RGS6: variants seen among roughly 807,000 people sequenced by gnomAD.
RGS6 encodes the protein regulator of G protein signaling 6, also known as regulator of G-protein signaling 6.
RGS6 carries 30 observed loss-of-function variants against 78.5 expected under a neutral mutation model. The observed-to-expected ratio is 0.38, with a 90% CI of 0.29 to 0.52. The LOEUF (loss-of-function observed/expected upper bound fraction) is 0.52, where lower values mean the gene tolerates loss of function less well. RGS6 is among the 20% of genes least tolerant of loss of function. The pLI, the probability that RGS6 is intolerant of heterozygous loss-of-function variation, is 0.85. For synonymous variants in RGS6, 206 were observed against 206.0 expected (o/e 1.00, Z 0.00); for missense variants, 495 against 609.7 (o/e 0.81, Z 1.98).
intron 2 of RGS6, among the ~76,000 whole-genome samples, chr14:72,219,231 C>A (rs148154873): frequency 6.6e-6 from 1 of 152,000 alleles, no homozygotes; most frequent in Non-Finnish European, 1.5e-5. Context: ...CCACACTGCA[C>A]GTGACCATGA....
chr14:72,153,152 T>C (rs776556353), intron 2 of RGS6, among the ~76,000 whole-genome samples: 2 of 152,192 alleles, frequency 1.3e-5, no homozygotes, highest in Non-Finnish European at 2.9e-5. Context: ...CAAATGTCAC[T>C]TGCTCTCTGT....
At chr14:72,489,735 C>A (rs902359678) in intron 12 of RGS6, among the ~76,000 whole-genome samples, 1 of 114,668 alleles carries the variant, frequency 8.7e-6, no homozygotes, top group Non-Finnish European at 1.9e-5. Flanking sequence ...AGAGGCAAGG[C>A]GAGGTGAGAC....
At chr14:72,092,413 G>A (rs999774146) in intron 2 of RGS6, among the ~76,000 whole-genome samples, 7 of 150,646 alleles carry the variant, frequency 4.6e-5, no homozygotes, top group Admixed American at 2.0e-4. Context: ...CTGGTCTCTC[G>A]CTCTGTCATC....
chr14:71,990,195 C>A (rs1051146037), intron 2 of RGS6, among the ~76,000 whole-genome samples: 1 of 152,216 alleles, frequency 6.6e-6, no homozygotes, highest in East Asian at 1.9e-4. Flanking sequence ...GAGGGTTCTA[C>A]GCCTATAACT....
At chr14:72,339,849 G>A (rs571412725) in intron 2 of RGS6, among the ~76,000 whole-genome samples, 1 of 152,312 alleles carries the variant, frequency 6.6e-6, no homozygotes, top group African/African-American at 2.4e-5. Flanking sequence ...GCAACACAAG[G>A]AAGAGGTTTG....
intron 2 of RGS6, among the ~76,000 whole-genome samples, chr14:72,061,608 G>C (rs1555459231): frequency 6.6e-6 from 1 of 151,104 alleles, no homozygotes; most frequent in Non-Finnish European, 1.5e-5. Context: ...GATCACAATT[G>C]ATCAAAACAC....
At position 72,476,731 on chromosome 14, in the gene RGS6, T is replaced by G. The variant is rs1190911603; in HGVS notation, c.694-11T>G. ...GGGTGGATGATCCTCTGTGCTTGCT[T>G]CTTCTCCTAGTCCGTGTATGGCGTG... On this transcript the variant is annotated splice_polypyrimidine_tract_variant and intron_variant, in intron 10 of 17. Transcript: ENST00000553525. The G allele has an allele frequency of 3.7e-6, 6 of 1,613,268 alleles. No individual in the cohort carries two copies. The highest frequency in any genetic ancestry group is 5.1e-6 in the Non-Finnish European group (6 of 1,179,478).
intron 2 of RGS6, among the ~76,000 whole-genome samples, chr14:71,968,171 C>T (rs1384864158): frequency 2.0e-5 from 3 of 152,070 alleles, no homozygotes; most frequent in African/African-American, 7.2e-5. Flanking sequence ...TACTGAATTG[C>T]CCAGTGTAAT....
At chr14:72,216,758 C>G (rs1045271605) in intron 2 of RGS6, among the ~76,000 whole-genome samples, 1 of 152,060 alleles carries the variant, frequency 6.6e-6, no homozygotes, top group African/African-American at 2.4e-5. Context: ...GTGTTTCTCT[C>G]TCTCTGGTTG....
chr14:71,992,443 A>G (rs1044436542), intron 2 of RGS6, among the ~76,000 whole-genome samples: 2 of 152,208 alleles, frequency 1.3e-5, no homozygotes, highest in Non-Finnish European at 2.9e-5. Context: ...TGCGCTTGCA[A>G]CATTGCTTCG....
At chr14:72,297,928 T>G (rs1362206162) in intron 2 of RGS6, among the ~76,000 whole-genome samples, 2 of 140,168 alleles carry the variant, frequency 1.4e-5, no homozygotes, top group Non-Finnish European at 3.0e-5. Flanking sequence ...ATGTAGAAGG[T>G]TTTTTTTTGA....
chr14:72,074,372 G>A (rs555527521), intron 2 of RGS6, among the ~76,000 whole-genome samples: 2 of 151,928 alleles, frequency 1.3e-5, no homozygotes, highest in African/African-American at 2.4e-5. Flanking sequence ...ATTTTTTGTA[G>A]GGGTGGGTAG....
At chr14:72,052,819 T>C (rs1754830040) in intron 2 of RGS6, among the ~76,000 whole-genome samples, 1 of 152,178 alleles carries the variant, frequency 6.6e-6, no homozygotes, top group African/African-American at 2.4e-5. Context: ...AAAGTATGTT[T>C]TTAAACTTAG....
chr14:72,236,426 A>T (rs1472977413), intron 2 of RGS6, among the ~76,000 whole-genome samples: 2 of 152,258 alleles, frequency 1.3e-5, no homozygotes, highest in Non-Finnish European at 1.5e-5. Flanking sequence ...GCGCACAGCA[A>T]CATAAGCACA....
At chr14:71,999,743 A>T (rs2153219420) in intron 2 of RGS6, among the ~76,000 whole-genome samples, 1 of 152,260 alleles carries the variant, frequency 6.6e-6, no homozygotes, top group East Asian at 1.9e-4. Flanking sequence ...GGACATGTGA[A>T]TTGCCTAGCT....
chr14:72,483,268 C>A (rs2096418233), intron 12 of RGS6, among the ~76,000 whole-genome samples: 1 of 152,200 alleles, frequency 6.6e-6, no homozygotes, highest in South Asian at 2.1e-4. Context: ...CTGCAGCTAT[C>A]CCAGTGCACT....
chr14:72,278,569 T>C (rs971487081), intron 2 of RGS6, among the ~76,000 whole-genome samples: 2 of 152,232 alleles, frequency 1.3e-5, no homozygotes, highest in African/African-American at 4.8e-5. Context: ...CACTAGGAAG[T>C]GTGTGTGTGG....
intron 2 of RGS6, among the ~76,000 whole-genome samples, chr14:72,245,907 C>G (rs1446696034): frequency 1.3e-5 from 2 of 152,112 alleles, no homozygotes; most frequent in Non-Finnish European, 2.9e-5. Context: ...TCTTGACATC[C>G]CTGTGTCTTT....
intron 2 of RGS6, among the ~76,000 whole-genome samples, chr14:71,991,909 G>A (rs940006629): frequency 3.3e-5 from 5 of 152,172 alleles, no homozygotes; most frequent in Non-Finnish European, 5.9e-5. Context: ...TTCACAGAAA[G>A]TGTGTAAATG....
Sources: gnomAD v4.1 joint callset for allele counts (sites outside exome capture counted in the v4.1 genomes callset) on GRCh38, gnomAD v4.1.1 for gene constraint, MANE v1.5 for transcripts, NCBI Gene and HGNC (gene_info 2026-07-23, HGNC 2026-07-21) for gene names.